Variants in RPP38 observed in about 807,000 individuals in gnomAD.
RPP38 encodes the protein ribonuclease P protein subunit p38.
A neutral mutation model predicts 1.7 loss-of-function variants in RPP38; 2 were observed. That is an observed-to-expected ratio of 1.18 (90% CI 0.48 to 3.70). The LOEUF (loss-of-function observed/expected upper bound fraction) is 3.70, where lower values mean the gene tolerates loss of function less well. RPP38 is among the 30% of genes most tolerant of loss of function. The probability of loss-of-function intolerance (pLI) is 0.07; values close to 1 mark genes in which losing one functional copy is unlikely to be tolerated. For missense variants in RPP38, 358 were observed against 340.1 expected, an observed-to-expected ratio of 1.05 and a Z score of -0.41; for synonymous variants, 151 against 131.8, an observed-to-expected ratio of 1.15 and a Z score of -1.00.
intron 1 of RPP38, among the ~76,000 whole-genome samples, chr10:15,098,186 T>C (rs1265640884): frequency 1.3e-5 from 2 of 151,158 alleles, no homozygotes; most frequent in Non-Finnish European, 1.5e-5. Context: ...CCGCTTTCTC[T>C]AGCATCTCTG....
Position 15,103,674 on chromosome 10 carries a change from T to C in RPP38, c.360T>C (p.Val120=). 6.2e-7 allele frequency: 1 copy of C among 1,614,014 alleles called. No homozygotes were observed. The highest frequency in any genetic ancestry group is 1.6e-4 in the Middle Eastern group (1 of 6,062). Residue 120 remains valine, a synonymous_variant, in exon 3 of 3, where the codon GTT becomes GTC. Transcript: ENST00000378197. ...AGCTTGCCATTGGCGTTAACGAAGTTACCAGAGCCCTGGAAAGGAGGGAAC... is the reference window on the plus strand; with the variant it reads ...AGCTTGCCATTGGCGTTAACGAAGTCACCAGAGCCCTGGAAAGGAGGGAAC... The part of the protein sequence containing the change: ...RKQLAIGVNE[V]TRALERRELL...
chr10:15,104,017 T>TC lies in RPP38; in HGVS notation c.704dup (p.Phe236IlefsTer2), dbSNP rs773748130. The TC allele has an allele frequency of 6.2e-7, 1 of 1,614,122 alleles. No homozygotes were observed. The highest frequency in any genetic ancestry group is 1.1e-5 in the South Asian group (1 of 91,066). ...CCAAGACAGAGAGCTTTTGGACACT[T>TC]CATTTGAAGATCTGTCAAAACCTAA... is the stretch of plus-strand genomic sequence containing the variant. On this transcript the variant is annotated frameshift_variant, in exon 3 of 3. Coordinates refer to ENST00000378197, the MANE Select transcript of RPP38 (RefSeq NM_183005.5). LOFTEE classifies it low-confidence loss of function (END_TRUNC).
intron 2 of RPP38, 54 bp from the exon 3 acceptor site, chr10:15,103,251 C>G: frequency 1.4e-6 from 2 of 1,432,552 alleles, no homozygotes; most frequent in East Asian, 2.3e-5. Flanking sequence ...ATTCTTAAGT[C>G]ATGCAGTTGT....
At chr10:15,102,775 G>A (rs1219791888) in intron 2 of RPP38, 1 of 152,396 alleles carries the variant, frequency 6.6e-6, no homozygotes, top group Non-Finnish European at 1.5e-5. Context: ...CCTTCGTAGA[G>A]CATTCAAAAT....
Position 15,103,668 on chromosome 10 carries a change from C to A in RPP38, c.354C>A (p.Asn118Lys), listed in dbSNP as rs751887148. 6.2e-7 allele frequency: 1 copy of A among 1,613,860 alleles called. No individual in the cohort carries two copies. Among genetic ancestry groups the A allele is most frequent in the African/African-American group, 1.3e-5 (1 of 74,888 alleles). Reference protein sequence around the residue: ...HVRKQLAIGVNEVTRALERRE... With the variant: ...HVRKQLAIGVKEVTRALERRE... ...GGAAGCAGCTTGCCATTGGCGTTAA[C>A]GAAGTTACCAGAGCCCTGGAAAGGA... Residue 118 changes from asparagine to lysine, a missense_variant, in exon 3 of 3, where the codon AAC (asparagine) becomes AAA (lysine). Coordinates refer to ENST00000378197, the MANE Select transcript of RPP38 (RefSeq NM_183005.5).
At chr10:15,099,754 C>T in intron 1 of RPP38, among the ~76,000 whole-genome samples, 1 of 152,178 alleles carries the variant, frequency 6.6e-6, no homozygotes, top group South Asian at 2.1e-4. Context: ...GCTGGGATTA[C>T]AGGTGTGAGC....
At chr10:15,098,230 T>TTC (rs1845003481) in intron 1 of RPP38, among the ~76,000 whole-genome samples, 1 of 140,584 alleles carries the variant, frequency 7.1e-6, no homozygotes, top group African/African-American at 2.8e-5. Context: ...GAACGTGTTT[T>TTC]TTTTTTTTTT....
rs1845187164 is a variant in RPP38, at chr10:15,103,499, A to G, written c.185A>G (p.Asp62Gly). Reference sequence around the variant, plus strand: ...GCTATTGGACTTCAGAAGATTGAAGATAAGAAGAAAAAGAACAAAACACCT... The same window carrying G: ...GCTATTGGACTTCAGAAGATTGAAGGTAAGAAGAAAAAGAACAAAACACCT... Reference protein sequence around the residue: ...LKAIGLQKIEDKKKKNKTPFL... With the variant: ...LKAIGLQKIEGKKKKNKTPFL... The change falls in exon 3 of 3, where the codon GAT (aspartate) becomes GGT (glycine). Residue 62 changes from aspartate to glycine, a missense_variant. By Grantham distance (94) the Asp-to-Gly change is moderately conservative (BLOSUM62 -1). Transcript: ENST00000378197. 2 of 1,614,082 alleles carry G rather than the reference A, an allele frequency of 1.2e-6. No individual in the cohort carries two copies. The highest frequency in any genetic ancestry group is 1.7e-6 in the Non-Finnish European group (2 of 1,180,024).
chr10:15,099,295 A>AG (rs1845048323), intron 1 of RPP38, among the ~76,000 whole-genome samples: 1 of 152,046 alleles, frequency 6.6e-6, no homozygotes, highest in African/African-American at 2.4e-5. Flanking sequence ...AGAGGGCCTA[A>AG]GTGGGAGATT....
intron 1 of RPP38, among the ~76,000 whole-genome samples, chr10:15,099,699 G>T (rs780829184): frequency 5.3e-5 from 8 of 152,034 alleles, no homozygotes; most frequent in African/African-American, 1.9e-4. Context: ...GGCTGGTCTC[G>T]AACTCCTGAC....
chr10:15,103,682 C>G lies in RPP38; in HGVS notation c.368C>G (p.Ala123Gly), dbSNP rs1380300882. 6 of 1,613,838 alleles carry G rather than the reference C, an allele frequency of 3.7e-6. No individual in the cohort carries two copies. The African/African-American group carries it at 8.0e-5, about 22-fold the overall frequency. ...LAIGVNEVTR[A>G]LERRELLLVL... Reference sequence around the variant, plus strand: ...ATTGGCGTTAACGAAGTTACCAGAGCCCTGGAAAGGAGGGAACTGCTGTTA... The same window carrying G: ...ATTGGCGTTAACGAAGTTACCAGAGGCCTGGAAAGGAGGGAACTGCTGTTA... The change falls in exon 3 of 3, where the codon GCC (alanine) becomes GGC (glycine). Residue 123 changes from alanine (A) to glycine (G), a missense_variant. Ala to Gly is a moderately conservative substitution (Grantham distance 60). Coordinates refer to ENST00000378197, the MANE Select transcript of RPP38 (RefSeq NM_183005.5).
At chr10:15,102,067 G>A (rs575406742) in intron 1 of RPP38, among the ~76,000 whole-genome samples, 151 bp from the exon 2 acceptor site, 95 of 152,276 alleles carry the variant, frequency 6.2e-4, no homozygotes, top group African/African-American at 2.2e-3. Flanking sequence ...ACACCTGATT[G>A]GTTGTGAATG....
At position 15,104,007 on chromosome 10, in the gene RPP38, T is replaced by G. The variant is rs1845214314; in HGVS notation, c.693T>G (p.Leu231=). The change falls in exon 3 of 3, where the codon CTT becomes CTG. Residue 231 remains leucine, a synonymous_variant. Coordinates refer to ENST00000378197, the MANE Select transcript of RPP38 (RefSeq NM_183005.5). Reference sequence around the variant, plus strand: ...CTCTGGAAAGCCAAGACAGAGAGCTTTTGGACACTTCATTTGAAGATCTGT... The same window carrying G: ...CTCTGGAAAGCCAAGACAGAGAGCTGTTGGACACTTCATTTGAAGATCTGT... ...TEPLESQDRE[L]LDTSFEDLSK... 4 of 1,614,126 alleles carry G rather than the reference T, an allele frequency of 2.5e-6. No homozygotes were observed. The highest frequency in any genetic ancestry group is 3.4e-6 in the Non-Finnish European group (4 of 1,180,014).
chr10:15,104,156 C>T lies in RPP38; in HGVS notation c.842C>T (p.Thr281Ile). The T allele has an allele frequency of 6.4e-7, 1 of 1,565,524 alleles. No homozygotes were observed. The highest frequency in any genetic ancestry group is 2.1e-5 in the Admixed American group (1 of 46,724). Reference sequence around the variant, plus strand: ...AAACCACCCAAAAGTAAAAAAGCTACTCCAAAGTAATCTTGCATAAACTTG... The same window carrying T: ...AAACCACCCAAAAGTAAAAAAGCTATTCCAAAGTAATCTTGCATAAACTTG... Reference protein sequence around the residue: ...IRKPPKSKKATPK With the variant: ...IRKPPKSKKAIPK The change falls in exon 3 of 3, where the codon ACT (threonine) becomes ATT (isoleucine). Residue 281 changes from threonine to isoleucine, a missense_variant. Thr to Ile is a moderately conservative substitution (Grantham distance 89). Coordinates refer to ENST00000378197, the MANE Select transcript of RPP38 (RefSeq NM_183005.5).
At chr10:15,100,855 T>A (rs1448373742) in intron 1 of RPP38, among the ~76,000 whole-genome samples, 1 of 152,166 alleles carries the variant, frequency 6.6e-6, no homozygotes, top group Non-Finnish European at 1.5e-5. Flanking sequence ...AATTTTTTTG[T>A]ATTTTTTAGT....
intron 1 of RPP38, among the ~76,000 whole-genome samples, chr10:15,101,043 A>G (rs972325500): frequency 5.9e-5 from 9 of 152,188 alleles, no homozygotes; most frequent in South Asian, 2.1e-4. Context: ...AATTCAGTAG[A>G]TCTGGGTTGA....
chr10:15,103,231 C>T (rs1845170769), intron 2 of RPP38, 74 bp from the exon 3 acceptor site: 4 of 1,233,308 alleles, frequency 3.2e-6, no homozygotes, highest in South Asian at 3.0e-5. Context: ...TCAGAGAGTA[C>T]AGTCAAGATA....
chr10:15,104,187 TCATA>T lies in RPP38; in HGVS notation c.*24_*27del, dbSNP rs1289899655. 1 of 1,543,530 alleles carries T rather than the reference TCATA, an allele frequency of 6.5e-7. No individual in the cohort carries two copies. Among genetic ancestry groups the T allele is most frequent in the Non-Finnish European group, 8.7e-7 (1 of 1,151,084 alleles). ...AGTAATCTTGCATAAACTTGTCATG[TCATA>T]CAGTTTGTGAAAGGACACCTTGTAA... is the stretch of plus-strand genomic sequence containing the variant. On this transcript the variant is annotated 3_prime_UTR_variant, in exon 3 of 3. Transcript: ENST00000378197.
intron 1 of RPP38, among the ~76,000 whole-genome samples, chr10:15,098,399 A>G (rs938758950): frequency 2.0e-5 from 3 of 150,268 alleles, no homozygotes; most frequent in East Asian, 2.0e-4. Context: ...TAATTTTCGT[A>G]TTTTTAGTAG....
Sources: allele counts gnomAD v4.1 joint callset (sites outside exome capture counted in the v4.1 genomes callset), GRCh38; gene constraint gnomAD v4.1.1; transcripts MANE v1.5; gene names NCBI Gene and HGNC (gene_info 2026-07-23, HGNC 2026-07-21).